The following PSMA1 variants were observed in gnomAD, a reference collection of about 807,000 sequenced individuals.
PSMA1 encodes proteasome subunit alpha type-1.
Under a neutral mutation model 38.4 loss-of-function variants are expected in PSMA1, and 3 were observed. The ratio of observed to expected loss-of-function variants is 0.08; its 90% CI spans 0.04 to 0.20. The LOEUF (loss-of-function observed/expected upper bound fraction) is 0.20. Ranked by LOEUF, PSMA1 falls within the 10% of genes least tolerant of loss-of-function variation. The pLI is 1.00. For missense variants in PSMA1, 227 were observed against 325.3 expected, an observed-to-expected ratio of 0.70 and a Z score of 2.32; for synonymous variants, 101 against 107.1, an observed-to-expected ratio of 0.94 and a Z score of 0.35.
At chr11:14,548,473 C>T (rs1851852057) in intron 2 of PSMA1, among the ~76,000 whole-genome samples, 1 of 152,052 alleles carries the variant, frequency 6.6e-6, no homozygotes, top group Non-Finnish European at 1.5e-5. Flanking sequence ...TGTATATATA[C>T]ACATGTATAG....
At chr11:14,634,985 G>T (rs758406135) in intron 1 of PSMA1, among the ~76,000 whole-genome samples, 26 of 152,158 alleles carry the variant, frequency 1.7e-4, no homozygotes, top group Non-Finnish European at 3.5e-4. Context: ...GATTTAGTCA[G>T]GTTCATTCCT....
At chr11:14,584,276 T>C (rs975144910) in intron 2 of PSMA1, among the ~76,000 whole-genome samples, 2 of 152,198 alleles carry the variant, frequency 1.3e-5, no homozygotes, top group East Asian at 1.9e-4. Flanking sequence ...ATTATACATA[T>C]GTGAATTTTC....
chr11:14,561,821 AAACTAAAC>A (rs1852012536), intron 2 of PSMA1, among the ~76,000 whole-genome samples: 2 of 144,780 alleles, frequency 1.4e-5, no homozygotes, highest in Non-Finnish European at 3.0e-5. Flanking sequence ...AAACTAAACT[AAACTAAAC>A]TAAACTAAAC....
At chr11:14,567,276 C>A (rs1320243646) in intron 2 of PSMA1, among the ~76,000 whole-genome samples, 1 of 152,182 alleles carries the variant, frequency 6.6e-6, no homozygotes, top group Non-Finnish European at 1.5e-5. Context: ...AAAACACCTT[C>A]TTTTCTATTT....
Position 14,621,857 on chromosome 11 carries a change from G to A in PSMA1, c.-165-10706C>T, listed in dbSNP as rs1225808345. On this transcript the variant is annotated intron_variant, in intron 1 of 10. Coordinates refer to the PSMA1 transcript ENST00000418988. ...TCTATCATATCTGATGGTTCTCTGC[G>A]GCCTGGAAAAATACAATTGATAAGA... Among the ~76,000 whole-genome samples, 4 of 152,014 alleles carry A rather than the reference G, an allele frequency of 2.6e-5. No homozygotes were observed. The South Asian group carries it at 6.2e-4, about 24-fold the overall frequency.
rs546558795 is a variant in PSMA1 at position 14,615,235 on chromosome 11, T to A, written c.-165-4084A>T. 5.3e-5 allele frequency among the ~76,000 whole-genome samples: 8 copies of A among 152,366 alleles called. No individual in the cohort carries two copies. The East Asian group carries it at 1.5e-3, about 29-fold the overall frequency. On this transcript the variant is annotated intron_variant, in intron 1 of 10. Transcript: ENST00000418988. Reference sequence around the variant, plus strand: ...CTCCTTTAAAAGGTCTTTTATGAAATCTTAAGAAAGTGTTAGTCCCTTCGC... The same window carrying A: ...CTCCTTTAAAAGGTCTTTTATGAAAACTTAAGAAAGTGTTAGTCCCTTCGC...
At chr11:14,550,638 A>C (rs947813215) in intron 2 of PSMA1, among the ~76,000 whole-genome samples, 1 of 152,202 alleles carries the variant, frequency 6.6e-6, no homozygotes, top group African/African-American at 2.4e-5. Flanking sequence ...TAAGGCAAGC[A>C]AAAGGATTCT....
At chr11:14,619,120 A>T (rs1033256508) in intron 1 of PSMA1, among the ~76,000 whole-genome samples, 1 of 152,162 alleles carries the variant, frequency 6.6e-6, no homozygotes, top group Non-Finnish European at 1.5e-5. Flanking sequence ...AGGGGGAAAG[A>T]CTTAAAATTA....
At chr11:14,599,112 T>TA (rs1852544472) in intron 2 of PSMA1, among the ~76,000 whole-genome samples, 1 of 152,224 alleles carries the variant, frequency 6.6e-6, no homozygotes, top group African/African-American at 2.4e-5. Context: ...GATCCGCTGT[T>TA]AGTCTGATGG....
intron 4 of PSMA1, among the ~76,000 whole-genome samples, chr11:14,516,147 T>A (rs916669602): frequency 7.0e-6 from 1 of 142,360 alleles, no homozygotes; most frequent in African/African-American, 2.6e-5. Flanking sequence ...GAGGCGGAGG[T>A]TGCAGTGAGC....
intron 1 of PSMA1, among the ~76,000 whole-genome samples, chr11:14,629,754 T>A (rs1285461178): frequency 6.6e-6 from 1 of 150,850 alleles, no homozygotes; most frequent in African/African-American, 2.4e-5. Flanking sequence ...TAAATTACCT[T>A]GGGCAGTATG....
At chr11:14,508,032 G>C (rs1265076955) in intron 8 of PSMA1, among the ~76,000 whole-genome samples, 1 of 152,066 alleles carries the variant, frequency 6.6e-6, no homozygotes, top group African/African-American at 2.4e-5. Context: ...AGATAATGCA[G>C]GCTATAAAGT....
chr11:14,506,971 T>C (rs767198908), intron 9 of PSMA1, among the ~76,000 whole-genome samples: 4 of 152,192 alleles, frequency 2.6e-5, no homozygotes, highest in Non-Finnish European at 5.9e-5. Context: ...TGAAGTTATC[T>C]TGGGTGTTCC....
intron 4 of PSMA1, 51 bp downstream of exon 4, chr11:14,517,591 C>T: frequency 7.2e-7 from 1 of 1,380,118 alleles, no homozygotes; most frequent in Non-Finnish European, 9.9e-7. Flanking sequence ...TTTGAGAAAA[C>T]TAATCAATTA....
At chr11:14,570,136 C>G (rs564960473) in intron 2 of PSMA1, among the ~76,000 whole-genome samples, 1 of 152,346 alleles carries the variant, frequency 6.6e-6, no homozygotes, top group Non-Finnish European at 1.5e-5. Flanking sequence ...AACAGACCTG[C>G]AGCTGAGGGT....
chr11:14,575,199 G>A (rs1167682882), intron 2 of PSMA1, among the ~76,000 whole-genome samples: 1 of 151,892 alleles, frequency 6.6e-6, no homozygotes. Flanking sequence ...TTGAACCTGG[G>A]GGAGATGATT....
chr11:14,622,561 A>C (rs1470574674), intron 1 of PSMA1, among the ~76,000 whole-genome samples: 2 of 152,218 alleles, frequency 1.3e-5, no homozygotes, highest in Non-Finnish European at 2.9e-5. Context: ...GTGTTTTAGG[A>C]ATGCAATGGT....
At chr11:14,578,855 A>G (rs1193362080) in intron 2 of PSMA1, among the ~76,000 whole-genome samples, 1 of 152,220 alleles carries the variant, frequency 6.6e-6, no homozygotes, top group African/African-American at 2.4e-5. Context: ...TTGTTTCACC[A>G]GAGTGTCTAT....
intron 2 of PSMA1, among the ~76,000 whole-genome samples, chr11:14,591,358 G>T (rs1479745817): frequency 1.3e-5 from 2 of 152,200 alleles, no homozygotes; most frequent in Non-Finnish European, 2.9e-5. Context: ...CACTCTGTGG[G>T]TTCCTGGGCA....
Sources: allele counts gnomAD v4.1 joint callset (sites outside exome capture counted in the v4.1 genomes callset), GRCh38; gene constraint gnomAD v4.1.1; transcripts MANE v1.5; gene names NCBI Gene and HGNC (gene_info 2026-07-23, HGNC 2026-07-21).